TCF12: variants seen among roughly 807,000 people sequenced by gnomAD.
TCF12 encodes the protein DNA-binding protein HTF4.
Under a neutral mutation model 86.0 loss-of-function variants are expected in TCF12, and 45 were observed. That is an observed-to-expected ratio of 0.52 (90% CI 0.41 to 0.67). The LOEUF (loss-of-function observed/expected upper bound fraction) is 0.67. Among genes scored for constraint, TCF12 ranks in the 30% least tolerant of loss-of-function variants. The probability of loss-of-function intolerance (pLI) is 0.00; values close to 1 mark genes in which losing one functional copy is unlikely to be tolerated. For synonymous variants in TCF12, 330 were observed against 299.6 expected (o/e 1.10, Z -1.05); for missense variants, 881 against 859.9 (o/e 1.02, Z -0.31).
chr15:57,230,168 G>A (rs546316052), intron 8 of TCF12, among the ~76,000 whole-genome samples: 98 of 151,924 alleles, frequency 6.5e-4, no homozygotes, highest in African/African-American at 2.3e-3. Context: ...TAAAATACAT[G>A]CTTCCATAAT....
At chr15:57,042,554 C>T (rs571222931) in intron 3 of TCF12, among the ~76,000 whole-genome samples, 2 of 152,196 alleles carry the variant, frequency 1.3e-5, no homozygotes, top group South Asian at 4.1e-4. Flanking sequence ...GCCAGTACTA[C>T]AGGCACGCAC....
intron 12 of TCF12, among the ~76,000 whole-genome samples, chr15:57,243,022 A>G (rs1597576437): frequency 6.6e-6 from 1 of 152,238 alleles, no homozygotes; most frequent in Non-Finnish European, 1.5e-5. Flanking sequence ...GATAAGGGGT[A>G]ACTATTAAAA....
chr15:57,214,089 A>C (rs2058231707), intron 8 of TCF12: 1 of 152,214 alleles, frequency 6.6e-6, no homozygotes, highest in East Asian at 1.9e-4. Context: ...GACAAACTGC[A>C]ATTCACGTAG....
intron 3 of TCF12, among the ~76,000 whole-genome samples, chr15:57,003,680 C>T (rs955011993): frequency 1.1e-4 from 16 of 152,252 alleles, no homozygotes; most frequent in African/African-American, 2.9e-4. Context: ...TTTGTTATCC[C>T]GTGTGTGTCT....
chr15:57,079,686 T>C (rs1234269700), intron 4 of TCF12, among the ~76,000 whole-genome samples: 2 of 152,198 alleles, frequency 1.3e-5, no homozygotes, highest in African/African-American at 4.8e-5. Flanking sequence ...CCTTGTTCTC[T>C]AACGTGGTTA....
intron 3 of TCF12, among the ~76,000 whole-genome samples, chr15:57,041,426 A>G (rs554596371): frequency 1.6e-4 from 24 of 152,326 alleles, no homozygotes; most frequent in South Asian, 1.4e-3. Context: ...TTGTATTCAC[A>G]TAAGTATAAT....
Position 57,232,721 on chromosome 15 carries a change from C to T in TCF12, c.835C>T (p.Pro279Ser). The change falls in exon 11 of 21, where the codon CCA becomes TCA. Residue 279 changes from proline (P) to serine (S), a missense_variant. This residue lies in a region of TCF12 where 766 missense variants were observed against 718.9 expected (regional missense o/e 1.07). Coordinates refer to ENST00000333725, the MANE Select transcript of TCF12 (RefSeq NM_207037.2). ...ATCTCTTTCCATCTAGAGTTATCCTCCACACTCAGTTTCACCAACAGACAT... is the reference window on the plus strand; with the variant it reads ...ATCTCTTTCCATCTAGAGTTATCCTTCACACTCAGTTTCACCAACAGACAT... ...LHSHDRLSYP[P>S]HSVSPTDINT... 1 of 1,611,680 alleles carries T rather than the reference C, an allele frequency of 6.2e-7. No individual in the cohort carries two copies. Among genetic ancestry groups the T allele is most frequent in the Non-Finnish European group, 8.5e-7 (1 of 1,178,952 alleles).
intron 3 of TCF12, among the ~76,000 whole-genome samples, chr15:57,018,804 CA>C (rs2141232963): frequency 6.6e-6 from 1 of 152,140 alleles, no homozygotes; most frequent in East Asian, 1.9e-4. Context: ...CAAAGTAAAA[CA>C]AAAACAAAAG....
intron 3 of TCF12, among the ~76,000 whole-genome samples, chr15:56,985,570 T>C (rs1243150939): frequency 1.3e-5 from 2 of 152,208 alleles, no homozygotes; most frequent in Non-Finnish European, 2.9e-5. Flanking sequence ...ATAAGTGTGC[T>C]TATAACCGTA....
intron 3 of TCF12, among the ~76,000 whole-genome samples, chr15:57,030,126 A>T (rs1455291658): frequency 6.6e-6 from 1 of 152,106 alleles, no homozygotes; most frequent in East Asian, 1.9e-4. Flanking sequence ...GTCATGTGAT[A>T]ATTTGTAGAG....
At chr15:57,114,674 T>C (rs1377615311) in intron 5 of TCF12, among the ~76,000 whole-genome samples, 2 of 152,150 alleles carry the variant, frequency 1.3e-5, no homozygotes, top group East Asian at 1.9e-4. Context: ...GGTTAGCCAT[T>C]GTAAGCATTT....
chr15:57,028,277 T>TC (rs201029856), intron 3 of TCF12, among the ~76,000 whole-genome samples: 6,169 of 152,288 alleles, frequency 0.041, 375 homozygotes, highest in Admixed American at 0.17. Flanking sequence ...TCTTTTTCTT[T>TC]ATAAATTACC....
chr15:56,960,660 C>T (rs1178712710), intron 3 of TCF12, among the ~76,000 whole-genome samples: 2 of 151,216 alleles, frequency 1.3e-5, no homozygotes, highest in African/African-American at 4.9e-5. Context: ...AAACTCCTGA[C>T]CTCAGGTGAT....
At chr15:57,068,009 A>G (rs1596368949) in intron 4 of TCF12, among the ~76,000 whole-genome samples, 1 of 152,102 alleles carries the variant, frequency 6.6e-6, no homozygotes, top group Non-Finnish European at 1.5e-5. Flanking sequence ...GTTCTTGTTC[A>G]CTAAGGTGTT....
chr15:57,066,585 T>G (rs552883082), intron 4 of TCF12, among the ~76,000 whole-genome samples: 1 of 152,144 alleles, frequency 6.6e-6, no homozygotes, highest in Non-Finnish European at 1.5e-5. Context: ...TATTATACTT[T>G]TTATAACATT....
chr15:56,927,326 G>A (rs1474732844), intron 3 of TCF12, among the ~76,000 whole-genome samples: 1 of 152,162 alleles, frequency 6.6e-6, no homozygotes, highest in Non-Finnish European at 1.5e-5. Flanking sequence ...GAAAATTAGA[G>A]AACAGAAAAA....
At chr15:57,217,568 G>GA (rs2058382386) in intron 8 of TCF12, among the ~76,000 whole-genome samples, 1 of 152,076 alleles carries the variant, frequency 6.6e-6, no homozygotes, top group South Asian at 2.1e-4. Context: ...ACCAATATAA[G>GA]AAAGTTTTCT....
At chr15:56,925,617 C>T (rs2059978049) in intron 3 of TCF12, among the ~76,000 whole-genome samples, 1 of 152,068 alleles carries the variant, frequency 6.6e-6, no homozygotes, top group African/African-American at 2.4e-5. Flanking sequence ...TCATTGTCTG[C>T]CTAGTGTTGT....
intron 3 of TCF12, among the ~76,000 whole-genome samples, chr15:56,958,447 T>C (rs140938977): frequency 1.3e-5 from 2 of 152,244 alleles, no homozygotes; most frequent in African/African-American, 4.8e-5. Context: ...ACTCTGTCTT[T>C]ATGGCAGGCA....
Sources: allele counts gnomAD v4.1 joint callset (sites outside exome capture counted in the v4.1 genomes callset), GRCh38; gene constraint gnomAD v4.1.1; regional missense constraint gnomAD v4.1.1; transcripts MANE v1.5; gene names NCBI Gene and HGNC (gene_info 2026-07-23, HGNC 2026-07-21).